Variants in MEF2A observed in about 807,000 individuals in gnomAD.
The protein encoded by MEF2A is myocyte-specific enhancer factor 2A.
MEF2A carries 28 observed loss-of-function variants against 55.8 expected under a neutral mutation model. That is an observed-to-expected ratio of 0.50 (90% CI 0.37 to 0.69). MEF2A has a LOEUF of 0.69. Ranked by LOEUF, MEF2A falls within the 30% of genes least tolerant of loss-of-function variation. The pLI is 0.00. For missense variants in MEF2A, 528 were observed against 626.2 expected, an observed-to-expected ratio of 0.84 and a Z score of 1.67; for synonymous variants, 239 against 227.1, an observed-to-expected ratio of 1.05 and a Z score of -0.47.
chr15:99,610,513 A>G (rs958305941), intron 2 of MEF2A, among the ~76,000 whole-genome samples: 10 of 149,864 alleles, frequency 6.7e-5, no homozygotes, highest in Admixed American at 3.3e-4. Flanking sequence ...TTTAAAAAGG[A>G]TAAAGTTGGA....
At chr15:99,573,201 T>C (rs1963063322) in intron 1 of MEF2A, among the ~76,000 whole-genome samples, 1 of 144,740 alleles carries the variant, frequency 6.9e-6, no homozygotes, top group Non-Finnish European at 1.5e-5. Context: ...GGCAGGAGAA[T>C]GGCGTGAACC....
At chr15:99,666,711 A>C (rs2049839805) in intron 4 of MEF2A, among the ~76,000 whole-genome samples, 1 of 152,096 alleles carries the variant, frequency 6.6e-6, no homozygotes, top group Admixed American at 6.5e-5. Context: ...AAACCTTCTA[A>C]GTTTGATTTG....
intron 7 of MEF2A, among the ~76,000 whole-genome samples, chr15:99,680,616 T>G (rs1022940523): frequency 6.6e-6 from 1 of 152,236 alleles, no homozygotes; most frequent in Non-Finnish European, 1.5e-5. Context: ...CAACTTTATT[T>G]GTAGTAATGA....
intron 1 of MEF2A, among the ~76,000 whole-genome samples, chr15:99,571,366 A>G (rs1456580603): frequency 6.6e-6 from 1 of 152,164 alleles, no homozygotes; most frequent in Middle Eastern, 3.2e-3. Flanking sequence ...TTTTGAGAGG[A>G]TTAAATGAGG....
chr15:99,633,306 T>C, intron 3 of MEF2A, 133 bp downstream of exon 3: 1 of 563,778 alleles, frequency 1.8e-6, no homozygotes, highest in Non-Finnish European at 2.9e-6. Context: ...AAATGAAAAA[T>C]TCTAACAATC....
intron 8 of MEF2A, among the ~76,000 whole-genome samples, chr15:99,700,964 T>C (rs1326051956): frequency 6.6e-6 from 1 of 152,158 alleles, no homozygotes; most frequent in Non-Finnish European, 1.5e-5. Flanking sequence ...AATTAATAAA[T>C]GTAGAAAGAA....
Position 99,712,928 on chromosome 15 carries a change from T to A in MEF2A, c.*157T>A. On this transcript the variant is annotated 3_prime_UTR_variant, in exon 12 of 12. Transcript: ENST00000557942. This position sits in a 1 kb window ranked among gnomAD's most constrained non-coding sequence, Gnocchi z 4.1. ...GTATGTGGGTGTGAGTGTGTATGTG[T>A]GGGTGTGTGTTACATACACAGAATC... The A allele has an allele frequency of 1.2e-6, 1 of 850,672 alleles. No homozygotes were observed. The highest frequency in any genetic ancestry group is 1.8e-6 in the Non-Finnish European group (1 of 560,322). 52.7% of individuals were successfully genotyped at this position (850,672 alleles called of 1,614,324 possible).
At chr15:99,655,164 A>T (rs1257845863) in intron 4 of MEF2A, among the ~76,000 whole-genome samples, 5 of 152,122 alleles carry the variant, frequency 3.3e-5, no homozygotes, top group Non-Finnish European at 7.4e-5. Flanking sequence ...TTGCATAGGG[A>T]TAGGCATGTA....
At position 99,706,235 on chromosome 15, in the gene MEF2A, T is replaced by G. The variant is rs977384240; in HGVS notation, c.883-494T>G. Among the ~76,000 whole-genome samples, 4 of 152,304 alleles carry G rather than the reference T, an allele frequency of 2.6e-5. No homozygotes were observed. In the South Asian group the frequency reaches 8.3e-4, roughly 32 times the overall value. ...AACTGCATGATTGGAGAGAAAGAAA[T>G]AAGAATACAAGCTGCACCCAATAAG... On this transcript the variant is annotated intron_variant, in intron 9 of 11. Coordinates refer to ENST00000557942, the MANE Select transcript of MEF2A (RefSeq NM_001319206.4).
intron 2 of MEF2A, among the ~76,000 whole-genome samples, chr15:99,619,687 A>G (rs2040809708): frequency 6.6e-6 from 1 of 152,198 alleles, no homozygotes; most frequent in Non-Finnish European, 1.5e-5. Flanking sequence ...TTGTAGTAAT[A>G]CTGTCTTTTG....
At chr15:99,635,462 G>A (rs1031877462) in intron 3 of MEF2A, among the ~76,000 whole-genome samples, 15 of 152,060 alleles carry the variant, frequency 9.9e-5, no homozygotes, top group African/African-American at 3.6e-4. Flanking sequence ...AAAGTAAACC[G>A]TATTAAAGTA....
At chr15:99,711,718 G>A (rs1161931452) in intron 11 of MEF2A, among the ~76,000 whole-genome samples, 1 of 152,246 alleles carries the variant, frequency 6.6e-6, no homozygotes, top group Non-Finnish European at 1.5e-5. Context: ...ATTGTTGTCA[G>A]TGGTCTTCTT....
chr15:99,659,329 A>G (rs533945105), intron 4 of MEF2A, among the ~76,000 whole-genome samples: 2 of 152,242 alleles, frequency 1.3e-5, no homozygotes, highest in East Asian at 3.9e-4. Context: ...CATCAAACCT[A>G]GGAGTAGCTT....
rs149429395 is a variant in MEF2A, at chr15:99,676,772, G to A, written c.670+1314G>A. On this transcript the variant is annotated intron_variant, in intron 7 of 11. Coordinates refer to ENST00000557942, the MANE Select transcript of MEF2A (RefSeq NM_001319206.4). ...TTTTTAGTAGAGACGGAGTTTCACCGTGTTAGCCAGGATGGTCTCAATCTC... is the reference window on the plus strand; with the variant it reads ...TTTTTAGTAGAGACGGAGTTTCACCATGTTAGCCAGGATGGTCTCAATCTC... 6.8e-3 allele frequency among the ~76,000 whole-genome samples: 1,030 copies of A among 152,056 alleles called. 11 individuals carry two copies. Among genetic ancestry groups the A allele is most frequent in the African/African-American group, 0.024 (975 of 41,484 alleles).
At chr15:99,572,445 T>C (rs1045974790) in intron 1 of MEF2A, among the ~76,000 whole-genome samples, 1 of 152,234 alleles carries the variant, frequency 6.6e-6, no homozygotes, top group Non-Finnish European at 1.5e-5. Context: ...TTCAAGACAA[T>C]TGTAATTTGT....
At chr15:99,629,435 G>A (rs973908766) in intron 2 of MEF2A, among the ~76,000 whole-genome samples, 4 of 152,176 alleles carry the variant, frequency 2.6e-5, no homozygotes, top group Non-Finnish European at 5.9e-5. Flanking sequence ...CATTGTCTGG[G>A]GTCGGGTCGT....
chr15:99,700,185 T>TACACACACACACAC lies in MEF2A; in HGVS notation c.859-3176_859-3175insCACACACACACACA, dbSNP rs371094810. On this transcript the variant is annotated intron_variant, in intron 8 of 11. Coordinates refer to ENST00000557942, the MANE Select transcript of MEF2A (RefSeq NM_001319206.4). Reference sequence around the variant, plus strand: ...ACACATACGTATATATGTGTGTATATATACACACACACACACACACACACA... The same window carrying TACACACACACACAC: ...ACACATACGTATATATGTGTGTATATACACACACACACACATACACACACACACACACACACACA... Among the ~76,000 whole-genome samples the TACACACACACACAC allele has an allele frequency of 6.0e-3, 602 of 100,424 alleles. 17 individuals are homozygous for TACACACACACACAC. Among genetic ancestry groups the TACACACACACACAC allele is most frequent in the South Asian group, 8.6e-3 (16 of 1,858 alleles). The allele number at this position is 100,424 out of a possible 152,430, so 65.9% of individuals were successfully genotyped here.
At chr15:99,593,226 T>C (rs1175907831) in intron 1 of MEF2A, among the ~76,000 whole-genome samples, 1 of 152,168 alleles carries the variant, frequency 6.6e-6, no homozygotes, top group African/African-American at 2.4e-5. Flanking sequence ...CCTGAATTTT[T>C]ATCTGTCTCT....
intron 2 of MEF2A, among the ~76,000 whole-genome samples, chr15:99,610,086 A>G (rs1382352189): frequency 6.6e-6 from 1 of 152,132 alleles, no homozygotes; most frequent in Non-Finnish European, 1.5e-5. Flanking sequence ...TAAATTAACC[A>G]TCTTTTATAT....
Sources: allele counts gnomAD v4.1 joint callset (sites outside exome capture counted in the v4.1 genomes callset), GRCh38; gene constraint gnomAD v4.1.1; non-coding constraint Gnocchi (gnomAD v3.1); transcripts MANE v1.5; gene names NCBI Gene and HGNC (gene_info 2026-07-23, HGNC 2026-07-21).